Variants in NYAP2 observed in about 807,000 individuals in gnomAD.
NYAP2 encodes the protein neuronal tyrosine-phosphorylated phosphoinositide-3-kinase adapter 2.
In NYAP2, 23 loss-of-function variants were observed where a neutral mutation model predicts 50.4. That is an observed-to-expected ratio of 0.46 (90% CI 0.33 to 0.65). The LOEUF is 0.65. Ranked by LOEUF, NYAP2 falls within the 30% of genes least tolerant of loss-of-function variation. NYAP2 has a pLI of 0.02. For missense variants in NYAP2, 885 were observed against 861.0 expected (o/e 1.03, Z -0.35); for synonymous variants, 394 against 365.2 (o/e 1.08, Z -0.90).
rs369568441 is a variant in NYAP2 at position 225,479,648 on chromosome 2, GT to G, written c.222-33712del. Reference sequence around the variant, plus strand: ...ATGCTTAGAATTCCAAAGTACCATAGTTTTTTTTTTTAAATCCACCAGTAAT... The same window carrying G: ...ATGCTTAGAATTCCAAAGTACCATAGTTTTTTTTTTAAATCCACCAGTAAT... On this transcript the variant is annotated intron_variant, in intron 3 of 6. Transcript: ENST00000636099. 6.6e-3 allele frequency among the ~76,000 whole-genome samples: 976 copies of G among 148,276 alleles called. 14 individuals are homozygous for G. Among genetic ancestry groups the G allele is most frequent in the African/African-American group, 0.022 (890 of 40,838 alleles).
At chr2:225,457,130 C>CCATATCGAGCCCATATCGAGCGT (rs1689751900) in intron 3 of NYAP2, among the ~76,000 whole-genome samples, 1 of 152,230 alleles carries the variant, frequency 6.6e-6, no homozygotes, top group African/African-American at 2.4e-5. Context: ...TATCATGTGC[C>CCATATCGAGCCCATATCGAGCGT]AGGCACTGGT....
intron 5 of NYAP2, among the ~76,000 whole-genome samples, chr2:225,600,006 G>A (rs1237942279): frequency 6.6e-6 from 1 of 152,122 alleles, no homozygotes; most frequent in Non-Finnish European, 1.5e-5. Flanking sequence ...TATTTATCAA[G>A]ACAGGGGAAT....
At chr2:225,616,771 A>T (rs965422843) in intron 5 of NYAP2, among the ~76,000 whole-genome samples, 1 of 152,112 alleles carries the variant, frequency 6.6e-6, no homozygotes, top group Admixed American at 6.5e-5. Flanking sequence ...TCTTACCTTG[A>T]GTGAACTGTT....
intron 4 of NYAP2, among the ~76,000 whole-genome samples, chr2:225,574,074 T>C (rs1692126900): frequency 6.6e-6 from 1 of 152,158 alleles, no homozygotes; most frequent in East Asian, 1.9e-4. Flanking sequence ...TTTCATGACA[T>C]GGCAATATCA....
intron 3 of NYAP2, among the ~76,000 whole-genome samples, chr2:225,464,491 G>A (rs749636325): frequency 1.3e-5 from 2 of 152,140 alleles, no homozygotes; most frequent in Non-Finnish European, 2.9e-5. Context: ...GAGCATGAAC[G>A]ATGGAGAAAT....
At position 225,651,555 on chromosome 2, in the gene NYAP2, A is replaced by G. The variant is rs761393583; in HGVS notation, c.1952A>G (p.Asn651Ser). 9.3e-6 allele frequency: 15 copies of G among 1,613,854 alleles called. No individual in the cohort carries two copies. The highest frequency in any genetic ancestry group is 1.0e-5 in the Non-Finnish European group (12 of 1,179,844). Reference sequence around the variant, plus strand: ...AGCCAGGTACCATCATCGTTAGCCAATCGTGATTGACTTCCTGTGATACAA... The same window carrying G: ...AGCCAGGTACCATCATCGTTAGCCAGTCGTGATTGACTTCCTGTGATACAA... The change falls in exon 7 of 7, where the codon AAT becomes AGT. Residue 651 changes from asparagine to serine, a missense_variant. Transcript: ENST00000636099.
intron 3 of NYAP2, among the ~76,000 whole-genome samples, chr2:225,410,702 A>G (rs1276487200): frequency 6.6e-6 from 1 of 152,086 alleles, no homozygotes; most frequent in Non-Finnish European, 1.5e-5. Flanking sequence ...CTCTACTACT[A>G]GCTTCTGTAT....
At chr2:225,413,555 C>T (rs1157887310) in intron 3 of NYAP2, among the ~76,000 whole-genome samples, 8 of 152,132 alleles carry the variant, frequency 5.3e-5, no homozygotes, top group Admixed American at 2.6e-4. Context: ...CCTCAAACTA[C>T]AATTTTGGAA....
chr2:225,497,275 G>T (rs1163268736), intron 3 of NYAP2, among the ~76,000 whole-genome samples: 6 of 152,152 alleles, frequency 3.9e-5, no homozygotes, highest in Admixed American at 3.9e-4. Context: ...GGTACATTAA[G>T]CAGATCTGCA....
At chr2:225,671,642 G>A in the NYAP2 span, among the ~76,000 whole-genome samples, 1 of 152,118 alleles carries the variant, frequency 6.6e-6, no homozygotes, top group East Asian at 1.9e-4. Context: ...GATATCTAGA[G>A]TGGTGAATCC....
intron 3 of NYAP2, among the ~76,000 whole-genome samples, chr2:225,423,958 T>G (rs1402972768): frequency 2.6e-5 from 4 of 152,158 alleles, no homozygotes; most frequent in African/African-American, 9.7e-5. Context: ...TTTATGAAAT[T>G]TTCTAAGATA....
chr2:225,467,718 G>C (rs966722399), intron 3 of NYAP2, among the ~76,000 whole-genome samples: 1 of 152,112 alleles, frequency 6.6e-6, no homozygotes, highest in Non-Finnish European at 1.5e-5. Flanking sequence ...ATACAAAATA[G>C]GGTTAAAATA....
At chr2:225,700,372 G>A in the NYAP2 span, 2 of 151,660 alleles carry the variant, frequency 1.3e-5, no homozygotes, top group Non-Finnish European at 1.5e-5. Context: ...TACATAAAAC[G>A]CTTACTGAAG....
chr2:225,507,801 A>T (rs1690735190), intron 3 of NYAP2, among the ~76,000 whole-genome samples: 1 of 152,250 alleles, frequency 6.6e-6, no homozygotes, highest in Non-Finnish European at 1.5e-5. Flanking sequence ...CTTCATATGC[A>T]GTATATCAGG....
intron 4 of NYAP2, among the ~76,000 whole-genome samples, chr2:225,558,952 G>A (rs1186291630): frequency 6.6e-6 from 1 of 152,100 alleles, no homozygotes; most frequent in Non-Finnish European, 1.5e-5. Context: ...TTACCAGAAA[G>A]CTCCAGCTTG....
intron 6 of NYAP2, among the ~76,000 whole-genome samples, chr2:225,632,684 A>C (rs1207413921): frequency 2.0e-5 from 3 of 152,196 alleles, no homozygotes; most frequent in Non-Finnish European, 4.4e-5. Context: ...TCATGAACAT[A>C]ATAGGAAAGC....
At chr2:225,480,608 T>A (rs1389890593) in intron 3 of NYAP2, among the ~76,000 whole-genome samples, 2 of 152,048 alleles carry the variant, frequency 1.3e-5, no homozygotes, top group Non-Finnish European at 2.9e-5. Flanking sequence ...ATAGGATATA[T>A]TGTGAAGCTG....
chr2:225,662,995 A>T, the NYAP2 span, among the ~76,000 whole-genome samples: 3,265 of 152,330 alleles, frequency 0.021, 122 homozygotes, highest in African/African-American at 0.073. Flanking sequence ...AATAATGAAT[A>T]CAAAAGCACA....
intron 3 of NYAP2, among the ~76,000 whole-genome samples, chr2:225,493,193 C>T (rs1690439402): frequency 6.6e-6 from 1 of 152,028 alleles, no homozygotes; most frequent in African/African-American, 2.4e-5. Flanking sequence ...TGCCATGTTG[C>T]CCAGGCTGGT....
Sources: allele counts gnomAD v4.1 joint callset (sites outside exome capture counted in the v4.1 genomes callset), GRCh38; gene constraint gnomAD v4.1.1; transcripts MANE v1.5; gene names NCBI Gene and HGNC (gene_info 2026-07-23, HGNC 2026-07-21).